Variants in GRM7 observed in about 807,000 individuals in gnomAD.
GRM7 encodes the protein metabotropic glutamate receptor 7.
A neutral mutation model predicts 84.5 loss-of-function variants in GRM7; 35 were observed. The observed-to-expected ratio is 0.41, with a 90% CI of 0.32 to 0.55. The LOEUF is 0.55. Among genes scored for constraint, GRM7 ranks in the 20% least tolerant of loss-of-function variants. GRM7 has a pLI of 0.19. For synonymous variants in GRM7, 487 were observed against 455.1 expected (o/e 1.07, Z -0.89); for missense variants, 1,003 against 1,194.6 (o/e 0.84, Z 2.36).
intron 7 of GRM7, among the ~76,000 whole-genome samples, chr3:7,517,608 G>T (rs762663117): frequency 6.6e-6 from 1 of 152,066 alleles, no homozygotes; most frequent in Non-Finnish European, 1.5e-5. Flanking sequence ...TGGCCAGGTT[G>T]GTCTTGAACT....
intron 7 of GRM7, among the ~76,000 whole-genome samples, chr3:7,528,902 T>C (rs751497339): frequency 1.3e-5 from 2 of 152,216 alleles, no homozygotes; most frequent in South Asian, 2.1e-4. Context: ...TTTAGTTTTT[T>C]TAAATTTATT....
chr3:7,184,555 C>T (rs952891978), intron 2 of GRM7, among the ~76,000 whole-genome samples: 2 of 151,814 alleles, frequency 1.3e-5, no homozygotes, highest in African/African-American at 2.4e-5. Flanking sequence ...TTCTCTATCC[C>T]TCAACTTGTA....
intron 8 of GRM7, among the ~76,000 whole-genome samples, chr3:7,642,937 C>G (rs1163568025): frequency 6.6e-6 from 1 of 152,092 alleles, no homozygotes; most frequent in Non-Finnish European, 1.5e-5. Context: ...GAACACAGAA[C>G]TCTGTAAGTG....
intron 2 of GRM7, among the ~76,000 whole-genome samples, chr3:7,209,630 G>T (rs745805875): frequency 6.6e-6 from 1 of 152,172 alleles, no homozygotes; most frequent in African/African-American, 2.4e-5. Flanking sequence ...CGAGAAACAC[G>T]TGTGGAACTA....
chr3:7,235,171 G>T (rs1697310569), intron 2 of GRM7, among the ~76,000 whole-genome samples: 2 of 152,168 alleles, frequency 1.3e-5, no homozygotes, highest in Admixed American at 6.6e-5. Context: ...TCAACTAGAC[G>T]GTAAAGTGCA....
intron 1 of GRM7, among the ~76,000 whole-genome samples, chr3:7,135,318 C>A (rs963181825): frequency 8.5e-5 from 13 of 152,098 alleles, no homozygotes; most frequent in African/African-American, 2.9e-4. Flanking sequence ...TTTGGGTGAT[C>A]CATATCAATA....
At chr3:7,544,880 G>T (rs892637225) in intron 7 of GRM7, among the ~76,000 whole-genome samples, 1 of 152,094 alleles carries the variant, frequency 6.6e-6, no homozygotes, top group Non-Finnish European at 1.5e-5. Flanking sequence ...ATAAAGCATT[G>T]TAAGTTCTAA....
At position 7,533,461 on chromosome 3, in the gene GRM7, C is replaced by T. The variant is rs146212130; in HGVS notation, c.1516-44961C>T. 1.7e-3 allele frequency among the ~76,000 whole-genome samples: 258 copies of T among 152,118 alleles called. 2 individuals are homozygous for T. The East Asian group carries it at 0.023, about 14-fold the overall frequency. ...CTTTGAAACTAATGAAAACAAAGACCACAATGTACCAGAATCTCTGGGACA... is the reference window on the plus strand; with the variant it reads ...CTTTGAAACTAATGAAAACAAAGACTACAATGTACCAGAATCTCTGGGACA... On this transcript the variant is annotated intron_variant, in intron 7 of 9. Transcript: ENST00000357716.
intron 7 of GRM7, among the ~76,000 whole-genome samples, chr3:7,488,858 C>CTTATTTATTTAT (rs3065639): frequency 0.17 from 24,516 of 147,410 alleles, 2,293 homozygotes; most frequent in East Asian, 0.29. Flanking sequence ...CTAGTAAGGT[C>CTTATTTATTTAT]TTATTTATTT....
chr3:7,053,591 T>A (rs974407028), intron 1 of GRM7, among the ~76,000 whole-genome samples: 1 of 151,632 alleles, frequency 6.6e-6, no homozygotes, highest in Admixed American at 6.6e-5. Flanking sequence ...TTTTTCTATA[T>A]TGATATTAAG....
chr3:7,091,564 C>G (rs1445779973), intron 1 of GRM7, among the ~76,000 whole-genome samples: 1 of 151,808 alleles, frequency 6.6e-6, no homozygotes, highest in African/African-American at 2.4e-5. Context: ...TGGATTTTCA[C>G]TCCCTTCCAG....
chr3:7,298,044 T>C (rs528794119), intron 2 of GRM7, among the ~76,000 whole-genome samples: 2 of 152,294 alleles, frequency 1.3e-5, no homozygotes, highest in African/African-American at 4.8e-5. Context: ...AAATGAGCAA[T>C]ACGAAATACT....
chr3:7,725,916 G>A (rs893895118), intron 9 of GRM7, among the ~76,000 whole-genome samples: 8 of 152,054 alleles, frequency 5.3e-5, no homozygotes, highest in Non-Finnish European at 8.8e-5. Flanking sequence ...CCACTCCAAC[G>A]TTAGGGGGAG....
chr3:7,341,384 GTTTA>G (rs1386709910), intron 4 of GRM7, among the ~76,000 whole-genome samples: 21 of 148,576 alleles, frequency 1.4e-4, no homozygotes, highest in Admixed American at 1.3e-4. Context: ...TTTTTTTTTT[GTTTA>G]TTTAGCAAAC....
chr3:7,256,385 T>C (rs1045347456), intron 2 of GRM7, among the ~76,000 whole-genome samples: 3 of 152,158 alleles, frequency 2.0e-5, no homozygotes, highest in Non-Finnish European at 4.4e-5. Context: ...AAATTAATTT[T>C]TGGTTTGTAG....
intron 7 of GRM7, among the ~76,000 whole-genome samples, chr3:7,501,541 A>C (rs1699883949): frequency 6.6e-6 from 1 of 152,266 alleles, no homozygotes; most frequent in African/African-American, 2.4e-5. Flanking sequence ...CGGACAGCTG[A>C]GGTTTGGAGA....
chr3:7,207,238 A>T (rs138668137), intron 2 of GRM7, among the ~76,000 whole-genome samples: 2 of 152,154 alleles, frequency 1.3e-5, no homozygotes, highest in African/African-American at 2.4e-5. Context: ...AGAGTTGGCA[A>T]TGCCCGAGGA....
chr3:7,677,670 A>T (rs886276378), intron 8 of GRM7, among the ~76,000 whole-genome samples: 1 of 152,262 alleles, frequency 6.6e-6, no homozygotes, highest in African/African-American at 2.4e-5. Context: ...TAGTTTAAAA[A>T]TGATGAAACT....
At chr3:6,958,529 C>T (rs541280275) in intron 1 of GRM7, among the ~76,000 whole-genome samples, 1 of 151,956 alleles carries the variant, frequency 6.6e-6, no homozygotes, top group Non-Finnish European at 1.5e-5. Flanking sequence ...TTTCATTTTC[C>T]CTGGGTAAAT....
Sources: allele counts gnomAD v4.1 joint callset (sites outside exome capture counted in the v4.1 genomes callset), GRCh38; gene constraint gnomAD v4.1.1; transcripts MANE v1.5; gene names NCBI Gene and HGNC (gene_info 2026-07-23, HGNC 2026-07-21).